The following CSMD1 variants were observed in gnomAD, a reference collection of about 807,000 sequenced individuals.
CSMD1 encodes the protein CUB and sushi domain-containing protein 1.
Under a neutral mutation model 417.5 loss-of-function variants are expected in CSMD1, and 213 were observed. The observed-to-expected ratio is 0.51, with a 90% CI of 0.46 to 0.57. CSMD1 has a LOEUF of 0.57. CSMD1 is among the 20% of genes least tolerant of loss of function. The pLI is 0.00. For missense variants in CSMD1, 6,923 were observed against 4,529.7 expected (o/e 1.53, Z -15.17); for synonymous variants, 2,862 against 1,736.8 (o/e 1.65, Z -16.11).
At chr8:4,052,928 A>T (rs1226308090) in intron 3 of CSMD1, among the ~76,000 whole-genome samples, 1 of 152,132 alleles carries the variant, frequency 6.6e-6, no homozygotes, top group African/African-American at 2.4e-5. Context: ...CGCAGAGAGA[A>T]GTGGCTAATG....
At chr8:3,663,914 C>A (rs938279207) in intron 7 of CSMD1, among the ~76,000 whole-genome samples, 2 of 152,204 alleles carry the variant, frequency 1.3e-5, no homozygotes, top group African/African-American at 4.8e-5. Context: ...TCTAAATTAA[C>A]TGAGTCATGT....
At chr8:4,970,714 G>A (rs1810186435) in intron 1 of CSMD1, among the ~76,000 whole-genome samples, 1 of 152,022 alleles carries the variant, frequency 6.6e-6, no homozygotes, top group African/African-American at 2.4e-5. Context: ...CTCAGGACGT[G>A]GATTCTGAAA....
At chr8:4,080,604 T>G (rs1047734210) in intron 3 of CSMD1, among the ~76,000 whole-genome samples, 9 of 152,190 alleles carry the variant, frequency 5.9e-5, no homozygotes, top group African/African-American at 2.2e-4. Context: ...GTTTTTATAT[T>G]CCTTTCTGGA....
At chr8:4,949,555 G>A (rs141338710) in intron 1 of CSMD1, among the ~76,000 whole-genome samples, 18 of 152,262 alleles carry the variant, frequency 1.2e-4, no homozygotes, top group African/African-American at 4.3e-4. Context: ...GTTGTTGCAT[G>A]TCACATCTGG....
At chr8:3,434,582 T>C (rs1814425756) in intron 12 of CSMD1, among the ~76,000 whole-genome samples, 1 of 152,206 alleles carries the variant, frequency 6.6e-6, no homozygotes, top group Non-Finnish European at 1.5e-5. Flanking sequence ...TTAGATTATA[T>C]TACTTCTCCA....
rs118125209 is a variant in CSMD1, at chr8:3,742,017, G to T, written c.931+11913C>A. ...TTAACCCTGCAAATTGCCTTTCGAG[G>T]CTGGAATTCTCTCCTTTTCTTCCCA... is the stretch of plus-strand genomic sequence containing the variant. On this transcript the variant is annotated intron_variant, in intron 6 of 69. Transcript: ENST00000635120. Among the ~76,000 whole-genome samples the T allele has an allele frequency of 1.8e-3, 264 of 150,068 alleles. 4 individuals are homozygous for T. The East Asian group carries it at 0.027, about 15-fold the overall frequency.
intron 8 of CSMD1, among the ~76,000 whole-genome samples, chr8:3,592,007 T>G (rs1268688036): frequency 6.6e-6 from 1 of 151,870 alleles, no homozygotes; most frequent in Non-Finnish European, 1.5e-5. Flanking sequence ...GATGGATAGA[T>G]GATAGGTAGA....
chr8:3,556,317 C>G (rs1044536195), intron 10 of CSMD1, among the ~76,000 whole-genome samples: 2 of 149,180 alleles, frequency 1.3e-5, no homozygotes, highest in Admixed American at 1.3e-4. Context: ...GATAAACATC[C>G]TTCTACTATG....
intron 49 of CSMD1, among the ~76,000 whole-genome samples, chr8:3,074,084 A>G (rs1294947164): frequency 1.3e-5 from 2 of 152,242 alleles, no homozygotes; most frequent in African/African-American, 4.8e-5. Context: ...CACTTGGAAG[A>G]TCACTCAAGT....
At chr8:3,365,005 C>T (rs1477494888) in intron 20 of CSMD1, among the ~76,000 whole-genome samples, 1 of 152,130 alleles carries the variant, frequency 6.6e-6, no homozygotes, top group South Asian at 2.1e-4. Context: ...AACAGACTTG[C>T]GTCACTGCCA....
intron 7 of CSMD1, among the ~76,000 whole-genome samples, chr8:3,617,656 C>T: frequency 6.6e-6 from 1 of 152,086 alleles, no homozygotes; most frequent in East Asian, 1.9e-4. Context: ...CTGCCATTTT[C>T]CTATAATCCA....
At chr8:4,305,406 C>G (rs1449145397) in intron 3 of CSMD1, among the ~76,000 whole-genome samples, 1 of 152,086 alleles carries the variant, frequency 6.6e-6, no homozygotes, top group Admixed American at 6.6e-5. Flanking sequence ...AGGGTTCCAT[C>G]AGCTTAAGTG....
At chr8:4,680,691 C>T (rs539345481) in intron 1 of CSMD1, among the ~76,000 whole-genome samples, 93 of 152,028 alleles carry the variant, frequency 6.1e-4, no homozygotes, top group African/African-American at 2.0e-3. Flanking sequence ...GTGACTCTCC[C>T]GCCTCAGCCT....
At chr8:3,507,396 G>A (rs1433885252) in intron 10 of CSMD1, among the ~76,000 whole-genome samples, 1 of 152,136 alleles carries the variant, frequency 6.6e-6, no homozygotes, top group Admixed American at 6.5e-5. Flanking sequence ...TCCTAATCCA[G>A]TCTATCATTG....
chr8:4,343,715 T>G (rs1295241547), intron 3 of CSMD1, among the ~76,000 whole-genome samples: 1 of 152,106 alleles, frequency 6.6e-6, no homozygotes, highest in Non-Finnish European at 1.5e-5. Flanking sequence ...CAGGGGAGCT[T>G]CGACTAGGTC....
chr8:4,807,616 G>C (rs149917911), intron 1 of CSMD1, among the ~76,000 whole-genome samples: 1 of 152,254 alleles, frequency 6.6e-6, no homozygotes, highest in Non-Finnish European at 1.5e-5. Context: ...AGTAATGACA[G>C]TAATAATCCT....
At chr8:4,594,406 G>A (rs143012972) in intron 2 of CSMD1, among the ~76,000 whole-genome samples, 2 of 151,644 alleles carry the variant, frequency 1.3e-5, no homozygotes, top group South Asian at 2.1e-4. Context: ...CACCATGTTG[G>A]CCAGGCTGGT....
chr8:3,591,805 A>T (rs797001819), intron 8 of CSMD1, among the ~76,000 whole-genome samples: 20 of 152,280 alleles, frequency 1.3e-4, no homozygotes, highest in African/African-American at 4.8e-4. Context: ...AGATGGAAAG[A>T]TGGATAGACA....
At chr8:4,727,340 C>T (rs1029344900) in intron 1 of CSMD1, among the ~76,000 whole-genome samples, 1 of 151,982 alleles carries the variant, frequency 6.6e-6, no homozygotes, top group African/African-American at 2.4e-5. Context: ...GAACAAAGAC[C>T]ATGAAATAAA....
Sources: allele counts gnomAD v4.1 joint callset (sites outside exome capture counted in the v4.1 genomes callset), GRCh38; gene constraint gnomAD v4.1.1; transcripts MANE v1.5; gene names NCBI Gene and HGNC (gene_info 2026-07-23, HGNC 2026-07-21).